ADGRB1: variants seen among roughly 807,000 people sequenced by gnomAD.
ADGRB1 encodes adhesion G protein-coupled receptor B1.
In ADGRB1, 36 loss-of-function variants were observed where a neutral mutation model predicts 175.7. The ratio of observed to expected loss-of-function variants is 0.20; its 90% CI spans 0.16 to 0.27. The LOEUF (loss-of-function observed/expected upper bound fraction) is 0.27. Ranked by LOEUF, ADGRB1 falls within the 10% of genes least tolerant of loss-of-function variation. ADGRB1 has a pLI of 1.00. For missense variants in ADGRB1, 1,731 were observed against 2,255.3 expected, an observed-to-expected ratio of 0.77 and a Z score of 4.71; for synonymous variants, 1,054 against 979.4, an observed-to-expected ratio of 1.08 and a Z score of -1.42.
chr8:142,469,259 ATG>A (rs574343130), intron 2 of ADGRB1, among the ~76,000 whole-genome samples: 133 of 145,124 alleles, frequency 9.2e-4, no homozygotes, highest in East Asian at 2.3e-3. Context: ...ATGTGTGTGA[ATG>A]TGTGTGCACG....
chr8:142,512,501 A>C (rs1213408832), intron 18 of ADGRB1, among the ~76,000 whole-genome samples: 2 of 152,164 alleles, frequency 1.3e-5, no homozygotes, highest in African/African-American at 4.8e-5. Flanking sequence ...CCTGGGCAGG[A>C]GAGAACCTGC....
At chr8:142,463,092 G>A (rs1338862369) in intron 1 of ADGRB1, among the ~76,000 whole-genome samples, 1 of 152,208 alleles carries the variant, frequency 6.6e-6, no homozygotes, top group Admixed American at 6.5e-5. Flanking sequence ...GATTCTCTCT[G>A]TGTCTCAGTT....
chr8:142,521,475 G>C (rs530099230), intron 20 of ADGRB1, among the ~76,000 whole-genome samples: 1 of 152,334 alleles, frequency 6.6e-6, no homozygotes, highest in African/African-American at 2.4e-5. Flanking sequence ...AAGGGGCCAC[G>C]CTGACAATCT....
chr8:142,529,550 A>G (rs547969999), intron 24 of ADGRB1, among the ~76,000 whole-genome samples: 1 of 151,980 alleles, frequency 6.6e-6, no homozygotes, highest in Non-Finnish European at 1.5e-5. Flanking sequence ...GCAAGCATGC[A>G]TCTATGTGTG....
At position 142,477,334 on chromosome 8, in the gene ADGRB1, C is replaced by G. The variant is rs937717869; in HGVS notation, c.1223-51C>G. 37 of 1,590,180 alleles carry G rather than the reference C, an allele frequency of 2.3e-5. 1 individual carries two copies. The highest frequency in any genetic ancestry group is 2.9e-5 in the Non-Finnish European group (34 of 1,169,780). ...CAGCCAGGGCAGCGGGGGGCCAGGGCAGCGGGGGCGGTGGCCGCAGTGGGC... is the reference window on the plus strand; with the variant it reads ...CAGCCAGGGCAGCGGGGGGCCAGGGGAGCGGGGGCGGTGGCCGCAGTGGGC... On this transcript the variant is annotated intron_variant, in intron 5 of 30. Coordinates refer to ENST00000517894, the MANE Select transcript of ADGRB1 (RefSeq NM_001702.3).
intron 24 of ADGRB1, among the ~76,000 whole-genome samples, chr8:142,532,660 C>T (rs1230706349): frequency 6.6e-6 from 1 of 152,118 alleles, no homozygotes; most frequent in Non-Finnish European, 1.5e-5. Context: ...CATCTCATTC[C>T]CTCTAAGCTT....
chr8:142,486,364 C>T (rs1404787944), intron 13 of ADGRB1, among the ~76,000 whole-genome samples: 6 of 152,206 alleles, frequency 3.9e-5, no homozygotes, highest in African/African-American at 1.4e-4. Flanking sequence ...ACTATGAAGG[C>T]TCGAACTCTG....
intron 1 of ADGRB1, among the ~76,000 whole-genome samples, chr8:142,456,962 C>G (rs142741047): frequency 9.5e-4 from 145 of 152,350 alleles, no homozygotes; most frequent in African/African-American, 3.5e-3. Context: ...AGGTAGCCCT[C>G]CTCACTCTGG....
rs1367336625 is a variant in ADGRB1 at position 142,477,187 on chromosome 8, C to T, written c.1131C>T (p.Arg377=). Residue 377 remains arginine (R), a synonymous_variant, in exon 5 of 31, where the codon CGC becomes CGT. Transcript: ENST00000517894. ...CCTGCGGCGAGGGCTGGCAGACCCGCACGCGCTTCTGCGTGTCCTCCTCCT... is the reference window on the plus strand; with the variant it reads ...CCTGCGGCGAGGGCTGGCAGACCCGTACGCGCTTCTGCGTGTCCTCCTCCT... ...SSTCGEGWQT[R]TRFCVSSSYS... 6.3e-7 allele frequency: 1 copy of T among 1,597,622 alleles called. No individual in the cohort carries two copies. The highest frequency in any genetic ancestry group is 8.5e-7 in the Non-Finnish European group (1 of 1,178,350).
In ADGRB1 at chr8:142,493,648, G is replaced by A. The variant is rs559884034; in HGVS notation, c.2675+2833G>A. On this transcript the variant is annotated intron_variant, in intron 17 of 30. Transcript: ENST00000517894. The surrounding 1 kb of genome is among the most constrained non-coding windows in gnomAD (Gnocchi z 5.0). ...TGACCCTGCCCGGCAGCCAGGCCAC[G>A]CTGCACACCTGCTGCCTGTGAGGAG... 3.3e-5 allele frequency among the ~76,000 whole-genome samples: 5 copies of A among 152,352 alleles called. No homozygotes were observed. In the East Asian group the frequency reaches 9.6e-4, roughly 29 times the overall value.
chr8:142,506,119 G>A (rs142536784), intron 17 of ADGRB1, among the ~76,000 whole-genome samples: 1 of 152,358 alleles, frequency 6.6e-6, no homozygotes, highest in East Asian at 1.9e-4. Flanking sequence ...GCGACCCCGA[G>A]GTGGAGTAAA....
chr8:142,508,846 G>A (rs1433115151), intron 17 of ADGRB1, among the ~76,000 whole-genome samples: 3 of 152,336 alleles, frequency 2.0e-5, no homozygotes, highest in East Asian at 3.9e-4. Flanking sequence ...CCTGGCCCGT[G>A]AAACAGGATC....
chr8:142,455,568 C>A lies in ADGRB1; in HGVS notation c.-220+5464C>A, dbSNP rs1292323498. Among the ~76,000 whole-genome samples, 1 of 152,184 alleles carries A rather than the reference C, an allele frequency of 6.6e-6. No individual in the cohort carries two copies. The highest frequency in any genetic ancestry group is 2.4e-5 in the African/African-American group (1 of 41,452). On this transcript the variant is annotated intron_variant, in intron 1 of 30. Transcript: ENST00000517894. This position sits in a 1 kb window ranked among gnomAD's most constrained non-coding sequence, Gnocchi z 4.9. Reference sequence around the variant, plus strand: ...CCCAGCACAGCTGAGGTCAGGAGGACCCAGGGATTACTGGGAGCTCAGAGA... The same window carrying A: ...CCCAGCACAGCTGAGGTCAGGAGGAACCAGGGATTACTGGGAGCTCAGAGA...
In ADGRB1 at chr8:142,510,079, G is replaced by A. The variant is rs1161856310; in HGVS notation, c.2676-853G>A. 1.3e-5 allele frequency among the ~76,000 whole-genome samples: 2 copies of A among 152,100 alleles called. No homozygotes were observed. The highest frequency in any genetic ancestry group is 2.9e-5 in the Non-Finnish European group (2 of 68,002). On this transcript the variant is annotated intron_variant, in intron 17 of 30. Coordinates refer to ENST00000517894, the MANE Select transcript of ADGRB1 (RefSeq NM_001702.3). The surrounding 1 kb of genome is among the most constrained non-coding windows in gnomAD (Gnocchi z 6.3). ...AGCAGGAGGAGGAGGAAGAGGAGGC[G>A]GAGGAGGAAGAGGAGGAGGTGGAGG...
intron 18 of ADGRB1, among the ~76,000 whole-genome samples, chr8:142,514,113 T>C (rs1436684272): frequency 6.6e-6 from 1 of 150,988 alleles, no homozygotes; most frequent in Non-Finnish European, 1.5e-5. Context: ...CTGGCTGGGG[T>C]TGGATGGACA....
intron 17 of ADGRB1, among the ~76,000 whole-genome samples, chr8:142,499,010 G>T (rs931523787): frequency 1.3e-5 from 2 of 152,204 alleles, no homozygotes; most frequent in Non-Finnish European, 2.9e-5. Context: ...CCAACCACAG[G>T]CTGCTAGGCC....
At position 142,531,602 on chromosome 8, in the gene ADGRB1, G is replaced by T. The variant is rs1011246827; in HGVS notation, c.3399-1693G>T. 2.0e-4 allele frequency among the ~76,000 whole-genome samples: 31 copies of T among 152,192 alleles called. 1 individual carries two copies. The highest frequency in any genetic ancestry group is 4.4e-5 in the Non-Finnish European group (3 of 68,028). ...CTATGTCCAAGAGCAGGAGGGGCGG[G>T]TGCGTGGCCAGGGCCACGGTACCCT... On this transcript the variant is annotated intron_variant, in intron 24 of 30. Transcript: ENST00000517894.
At chr8:142,490,680 G>A in intron 16 of ADGRB1, 92 bp from the exon 17 acceptor site, 2 of 1,421,284 alleles carry the variant, frequency 1.4e-6, no homozygotes, top group Non-Finnish European at 1.9e-6. Flanking sequence ...AGCATGCCTG[G>A]TAGCACACCT....
At position 142,544,683 on chromosome 8, in the gene ADGRB1, G is replaced by T; in HGVS notation, c.*266G>T. On this transcript the variant is annotated 3_prime_UTR_variant, in exon 31 of 31. Coordinates refer to ENST00000517894, the MANE Select transcript of ADGRB1 (RefSeq NM_001702.3). ...GCCCTCCTCGGGCCGAGGCCCAGCG[G>T]GCAGATGGGCGGACGGCTGTGGACC... The T allele has an allele frequency of 2.9e-6, 1 of 340,752 alleles. No homozygotes were observed. Among genetic ancestry groups the T allele is most frequent in the Non-Finnish European group, 5.2e-6 (1 of 190,928 alleles). The allele number at this position is 340,752 out of a possible 1,614,324, so 21.1% of individuals were successfully genotyped here.
Sources: allele counts gnomAD v4.1 joint callset (sites outside exome capture counted in the v4.1 genomes callset), GRCh38; gene constraint gnomAD v4.1.1; non-coding constraint Gnocchi (gnomAD v3.1); transcripts MANE v1.5; gene names NCBI Gene and HGNC (gene_info 2026-07-23, HGNC 2026-07-21).